LRGUK: variants seen among roughly 807,000 people sequenced by gnomAD.
The protein encoded by LRGUK is leucine rich repeats and guanylate kinase domain containing, also known as leucine-rich repeat and guanylate kinase domain-containing protein.
A neutral mutation model predicts 76.0 loss-of-function variants in LRGUK; 65 were observed. The ratio of observed to expected loss-of-function variants is 0.85; its 90% CI spans 0.70 to 1.05. LRGUK has a LOEUF of 1.05. Ranked by LOEUF, LRGUK falls within the 50% of genes least tolerant of loss-of-function variation. The probability of loss-of-function intolerance (pLI) is 0.00; values close to 1 mark genes in which losing one functional copy is unlikely to be tolerated. For synonymous variants in LRGUK, 268 were observed against 265.6 expected (o/e 1.01, Z -0.09); for missense variants, 758 against 732.8 (o/e 1.03, Z -0.40).
chr7:134,128,248 A>G (rs1382519424), intron 1 of LRGUK, among the ~76,000 whole-genome samples: 1 of 152,174 alleles, frequency 6.6e-6, no homozygotes, highest in Non-Finnish European at 1.5e-5. Flanking sequence ...GAGCCTTATA[A>G]TGTTCGAACA....
chr7:134,263,932 A>G lies in LRGUK; in HGVS notation c.2435A>G (p.Asn812Ser), dbSNP rs1160561522. 6.2e-7 allele frequency: 1 copy of G among 1,612,714 alleles called. No homozygotes were observed. ...CCAGTCATCAGTCGCCCAGGTTCCA[A>G]CGTCAAACCCACCCTCCCTCCAATC... Residue 812 changes from asparagine to serine, a missense_variant, in exon 20 of 20, where the codon AAC (asparagine) becomes AGC (serine). Physicochemically the swap from Asn to Ser is conservative, Grantham distance 46. Transcript: ENST00000285928.
intron 3 of LRGUK, chr7:134,141,833 GA>G (rs1797778220): frequency 6.6e-6 from 1 of 152,146 alleles, no homozygotes; most frequent in Non-Finnish European, 1.5e-5. Context: ...TTGATTTGCT[GA>G]TTCATTTCCA....
At chr7:134,179,486 A>G (rs997873043) in intron 10 of LRGUK, among the ~76,000 whole-genome samples, 2 of 152,298 alleles carry the variant, frequency 1.3e-5, no homozygotes, top group East Asian at 1.9e-4. Flanking sequence ...ATTTTTACAT[A>G]TAATTTAATA....
At chr7:134,275,545 T>G in the LRGUK span, among the ~76,000 whole-genome samples, 1 of 152,206 alleles carries the variant, frequency 6.6e-6, no homozygotes, top group Non-Finnish European at 1.5e-5. Flanking sequence ...GATACTTTGC[T>G]TAGTGGAAAT....
chr7:134,205,343 C>T (rs1800958371), intron 15 of LRGUK, among the ~76,000 whole-genome samples: 1 of 152,210 alleles, frequency 6.6e-6, no homozygotes, highest in East Asian at 1.9e-4. Context: ...CCCACTCGAC[C>T]CAGGAAGTCC....
chr7:134,160,908 GT>G (rs1798699944), intron 6 of LRGUK, among the ~76,000 whole-genome samples: 1 of 152,158 alleles, frequency 6.6e-6, no homozygotes, highest in Admixed American at 6.5e-5. Context: ...AGATACATTG[GT>G]TTTTCAGCAT....
At chr7:134,215,431 T>A (rs1335629066) in intron 15 of LRGUK, among the ~76,000 whole-genome samples, 2 of 152,158 alleles carry the variant, frequency 1.3e-5, no homozygotes, top group Non-Finnish European at 2.9e-5. Flanking sequence ...GTTACCAGAC[T>A]TCCCCCCAGC....
At chr7:134,198,151 T>C (rs1472781169) in intron 13 of LRGUK, among the ~76,000 whole-genome samples, 5 of 152,256 alleles carry the variant, frequency 3.3e-5, no homozygotes, top group Non-Finnish European at 7.3e-5. Flanking sequence ...TTTCCAATCT[T>C]ACTTCTCAGT....
downstream of LRGUK, among the ~76,000 whole-genome samples, chr7:134,211,799 C>T (rs1213257350): frequency 1.3e-5 from 2 of 152,134 alleles, no homozygotes; most frequent in Admixed American, 1.3e-4. Context: ...GATAGGAGTC[C>T]ACTCTAAGCC....
intron 1 of LRGUK, among the ~76,000 whole-genome samples, chr7:134,129,663 G>A (rs867368965): frequency 1.4e-4 from 21 of 151,122 alleles, no homozygotes; most frequent in South Asian, 8.5e-4. Flanking sequence ...TGTAAGAGAC[G>A]GGGGCCTTGC....
the LRGUK span, among the ~76,000 whole-genome samples, chr7:134,276,539 G>T: frequency 6.6e-6 from 1 of 152,120 alleles, no homozygotes; most frequent in African/African-American, 2.4e-5. Context: ...ACAATATCAG[G>T]CAGGCCTCTA....
chr7:134,197,842 C>A (rs1211131964), intron 13 of LRGUK, among the ~76,000 whole-genome samples: 1 of 152,002 alleles, frequency 6.6e-6, no homozygotes, highest in East Asian at 1.9e-4. Flanking sequence ...TTATTACATA[C>A]TTGGAACCTT....
intron 16 of LRGUK, among the ~76,000 whole-genome samples, chr7:134,241,709 G>C (rs1238469143): frequency 3.9e-5 from 6 of 152,040 alleles, no homozygotes; most frequent in African/African-American, 1.2e-4. Context: ...GCAGACCTAA[G>C]AGACATCTAC....
At chr7:134,177,053 T>C in exon 9 of LRGUK, 2 of 1,594,406 alleles carry the variant, frequency 1.3e-6, no homozygotes, top group Non-Finnish European at 1.7e-6. Flanking sequence ...AAGATTAAAG[T>C]GGAAGAAAAG....
chr7:134,234,384 A>G (rs1434944461), intron 16 of LRGUK, among the ~76,000 whole-genome samples: 1 of 151,966 alleles, frequency 6.6e-6, no homozygotes, highest in Non-Finnish European at 1.5e-5. Context: ...GCTTCAATAA[A>G]TTTTGCTGAA....
chr7:134,166,957 C>A (rs2116948114), intron 7 of LRGUK, among the ~76,000 whole-genome samples: 1 of 152,302 alleles, frequency 6.6e-6, no homozygotes, highest in South Asian at 2.1e-4. Flanking sequence ...AATTTAATTT[C>A]TCTCTGGATT....
intron 14 of LRGUK, among the ~76,000 whole-genome samples, chr7:134,200,492 G>A (rs760848844): frequency 2.6e-5 from 4 of 151,998 alleles, no homozygotes; most frequent in Non-Finnish European, 4.4e-5. Context: ...TAAAAAAATT[G>A]TGCAATTGTA....
downstream of LRGUK, among the ~76,000 whole-genome samples, chr7:134,212,988 C>T (rs889382796): frequency 6.6e-6 from 1 of 152,168 alleles, no homozygotes; most frequent in African/African-American, 2.4e-5. Flanking sequence ...GATCAGGAAA[C>T]ACTCCTAAGA....
At chr7:134,244,286 T>A (rs1203789836) in intron 16 of LRGUK, among the ~76,000 whole-genome samples, 1 of 151,894 alleles carries the variant, frequency 6.6e-6, no homozygotes, top group Non-Finnish European at 1.5e-5. Context: ...TGGGAGAAAA[T>A]TTTTAAAATC....
Sources: allele counts gnomAD v4.1 joint callset (sites outside exome capture counted in the v4.1 genomes callset), GRCh38; gene constraint gnomAD v4.1.1; transcripts MANE v1.5; gene names NCBI Gene and HGNC (gene_info 2026-07-23, HGNC 2026-07-21).